The following ACIN1 variants were observed in gnomAD, a reference collection of about 807,000 sequenced individuals.
ACIN1 encodes the protein apoptotic chromatin condensation inducer in the nucleus.
ACIN1 carries 16 observed loss-of-function variants against 146.6 expected under a neutral mutation model. The ratio of observed to expected loss-of-function variants is 0.11; its 90% CI spans 0.07 to 0.17. The LOEUF is 0.17. ACIN1 is among the 10% of genes least tolerant of loss of function. The probability of loss-of-function intolerance (pLI) is 1.00; values close to 1 mark genes in which losing one functional copy is unlikely to be tolerated. For synonymous variants in ACIN1, 569 were observed against 582.7 expected, an observed-to-expected ratio of 0.98 and a Z score of 0.34; for missense variants, 1,357 against 1,609.3, an observed-to-expected ratio of 0.84 and a Z score of 2.68.
Position 23,093,559 on chromosome 14 carries a change from G to A in ACIN1, c.139-15C>T, listed in dbSNP as rs2048282289. The A allele has an allele frequency of 2.5e-6, 4 of 1,610,730 alleles. No homozygotes were observed. Among genetic ancestry groups the A allele is most frequent in the Admixed American group, 1.7e-5 (1 of 59,894 alleles). ...AGCATTAGAGCCTGGTATAGAGAAGGGTAAAAGTCAGAAATGATGAGGAAA... is the reference window on the plus strand; with the variant it reads ...AGCATTAGAGCCTGGTATAGAGAAGAGTAAAAGTCAGAAATGATGAGGAAA... On this transcript the variant is annotated splice_polypyrimidine_tract_variant and intron_variant, in intron 1 of 18. Coordinates refer to ENST00000605057, the MANE Select transcript of ACIN1 (RefSeq NM_001386863.1).
rs1445579735 is a variant in ACIN1, at chr14:23,061,433, G to A, written c.3289C>T (p.Arg1097Trp). 1 of 1,613,238 alleles carries A rather than the reference G, an allele frequency of 6.2e-7. No individual in the cohort carries two copies. The highest frequency in any genetic ancestry group is 1.1e-5 in the South Asian group (1 of 91,056). The change falls in exon 17 of 19, where the codon CGG becomes TGG. Residue 1097 changes from arginine (R) to tryptophan (W), a missense_variant. Transcript: ENST00000605057. ...QWAEREREME[R>W]RERTRSEREW... ...CGCTCTGATCGAGTCCGCTCCCGCCGCTCCATTTCCCGTTCCCGTTCTGCC... is the reference window on the plus strand; with the variant it reads ...CGCTCTGATCGAGTCCGCTCCCGCCACTCCATTTCCCGTTCCCGTTCTGCC...
At chr14:23,082,110 A>G (rs2047958093) in intron 4 of ACIN1, among the ~76,000 whole-genome samples, 1 of 152,204 alleles carries the variant, frequency 6.6e-6, no homozygotes, top group Non-Finnish European at 1.5e-5. Context: ...ATAAATGTAA[A>G]ATAATTTCCA....
intron 4 of ACIN1, among the ~76,000 whole-genome samples, chr14:23,082,063 C>T (rs930928017): frequency 6.6e-6 from 1 of 152,220 alleles, no homozygotes; most frequent in African/African-American, 2.4e-5. Flanking sequence ...ATATTTTCAA[C>T]ACCTCGAAGC....
chr14:23,076,767 C>G (rs2047812500), intron 8 of ACIN1, among the ~76,000 whole-genome samples: 1 of 152,116 alleles, frequency 6.6e-6, no homozygotes, highest in African/African-American at 2.4e-5. Context: ...AAATGTACCT[C>G]CATGGAATTG....
intron 8 of ACIN1, among the ~76,000 whole-genome samples, chr14:23,070,856 T>TG (rs1280995926): frequency 4.6e-5 from 7 of 152,024 alleles, no homozygotes; most frequent in African/African-American, 1.7e-4. Context: ...ATCGGAACTG[T>TG]GCCCCCAGCT....
chr14:23,071,005 G>A, intron 8 of ACIN1: 2 of 1,151,378 alleles, frequency 1.7e-6, no homozygotes, highest in Admixed American at 2.3e-5. Context: ...AAGGGGGAAG[G>A]CAGAATGACT....
intron 3 of ACIN1, 120 bp from the exon 4 acceptor site, chr14:23,090,221 G>A: frequency 4.4e-6 from 6 of 1,369,876 alleles, no homozygotes; most frequent in Non-Finnish European, 5.8e-6. Flanking sequence ...ACCAAAAAGA[G>A]CACCGTATAA....
At chr14:23,071,054 AG>A in intron 8 of ACIN1, 12 of 1,449,712 alleles carry the variant, frequency 8.3e-6, no homozygotes, top group Non-Finnish European at 1.1e-5. Flanking sequence ...GAAAGCCATG[AG>A]GAAGAGAAGG....
At chr14:23,069,436 T>C (rs775346159) in intron 9 of ACIN1, 40 bp downstream of exon 9, 10 of 1,601,798 alleles carry the variant, frequency 6.2e-6, no homozygotes, top group Admixed American at 1.7e-5. Flanking sequence ...CCTAGGTCCA[T>C]TCCTGCCCAC....
At chr14:23,088,250 G>T (rs2048137800) in intron 4 of ACIN1, among the ~76,000 whole-genome samples, 1 of 152,176 alleles carries the variant, frequency 6.6e-6, no homozygotes, top group Admixed American at 6.6e-5. Context: ...AGGGCGCAGG[G>T]AGCAAAGTGG....
Position 23,059,366 on chromosome 14 carries a change from C to G in ACIN1, c.3634G>C (p.Glu1212Gln). Residue 1212 changes from glutamate to glutamine, a missense_variant, in exon 19 of 19, where the codon GAA becomes CAA. By Grantham distance (29) the Glu-to-Gln change is conservative. Coordinates refer to ENST00000605057, the MANE Select transcript of ACIN1 (RefSeq NM_001386863.1). ...TCTCGCTCCAGCTGTCGGTTCCGTT[C>G]CCGCTCGGCTTCCTTCTCCCGCTCC... ...QKEREKEAER[E>Q]RNRQLEREKR... 2 of 1,613,374 alleles carry G rather than the reference C, an allele frequency of 1.2e-6. No homozygotes were observed. Among genetic ancestry groups the G allele is most frequent in the South Asian group, 1.1e-5 (1 of 91,060 alleles).
chr14:23,087,032 TA>T (rs33932511), intron 4 of ACIN1, among the ~76,000 whole-genome samples: 39,777 of 151,928 alleles, frequency 0.26, 5,295 homozygotes, highest in Middle Eastern at 0.37. Context: ...TTAAAACAAA[TA>T]AAAAATCTCC....
rs149728594 is a variant in ACIN1, at chr14:23,072,450, G to A, written c.2124-2833C>T. ...AGTGAAGTGAGAGTGCTGCTATATG[G>A]GGCGGGGAAGATCAGCTGGGCAGAA... On this transcript the variant is annotated intron_variant, in intron 8 of 18. Transcript: ENST00000605057. 4.6e-5 allele frequency among the ~76,000 whole-genome samples: 7 copies of A among 152,302 alleles called. No homozygotes were observed. The East Asian group carries it at 1.4e-3, about 29-fold the overall frequency.
At chr14:23,089,646 A>T (rs923385547) in intron 4 of ACIN1, among the ~76,000 whole-genome samples, 1 of 152,204 alleles carries the variant, frequency 6.6e-6, no homozygotes, top group African/African-American at 2.4e-5. Flanking sequence ...CCAACTCCAG[A>T]GGGTGACTGA....
intron 16 of ACIN1, among the ~76,000 whole-genome samples, 177 bp downstream of exon 16, chr14:23,061,991 A>AAAAAAAAAAAAAAAAAAAAC: frequency 6.6e-6 from 1 of 151,276 alleles, no homozygotes; most frequent in African/African-American, 2.4e-5. Flanking sequence ...AAAAAAAAAA[A>AAAAAAAAAAAAAAAAAAAAC]AAGGAGCCCA....
intron 4 of ACIN1, among the ~76,000 whole-genome samples, chr14:23,082,865 G>A (rs558954535): frequency 1.3e-5 from 2 of 151,012 alleles, no homozygotes; most frequent in African/African-American, 4.9e-5. Flanking sequence ...TCAGCCTACC[G>A]GGCAGCTGGG....
At chr14:23,076,002 T>C (rs1277742948) in intron 8 of ACIN1, among the ~76,000 whole-genome samples, 1 of 152,088 alleles carries the variant, frequency 6.6e-6, no homozygotes, top group African/African-American at 2.4e-5. Flanking sequence ...CGCCTGGCCA[T>C]GCCATAAATG....
At chr14:23,071,076 G>A in intron 8 of ACIN1, 1 of 1,523,638 alleles carries the variant, frequency 6.6e-7, no homozygotes, top group Non-Finnish European at 8.9e-7. Context: ...AAGACGAAGG[G>A]AGCTAGGGCG....
intron 8 of ACIN1, among the ~76,000 whole-genome samples, chr14:23,072,247 T>C (rs1451219358): frequency 2.0e-5 from 3 of 152,166 alleles, no homozygotes; most frequent in Non-Finnish European, 4.4e-5. Flanking sequence ...TTGGTGTCTC[T>C]GAAGAGATGA....
Sources: allele counts gnomAD v4.1 joint callset (sites outside exome capture counted in the v4.1 genomes callset), GRCh38; gene constraint gnomAD v4.1.1; transcripts MANE v1.5; gene names NCBI Gene and HGNC (gene_info 2026-07-23, HGNC 2026-07-21).